Variants in PPIP5K2 observed in about 807,000 individuals in gnomAD.
PPIP5K2 encodes the protein inositol hexakisphosphate and diphosphoinositol-pentakisphosphate kinase 2.
A neutral mutation model predicts 154.6 loss-of-function variants in PPIP5K2; 105 were observed. The observed-to-expected ratio is 0.68, with a 90% CI of 0.58 to 0.80. The LOEUF (loss-of-function observed/expected upper bound fraction) is 0.80, where lower values mean the gene tolerates loss of function less well. Among genes scored for constraint, PPIP5K2 ranks in the 30% least tolerant of loss-of-function variants. PPIP5K2 has a pLI of 0.00. For missense variants in PPIP5K2, 992 were observed against 1,504.6 expected (o/e 0.66, Z 5.64); for synonymous variants, 480 against 490.3 (o/e 0.98, Z 0.28).
chr5:103,151,453 C>G (rs1794636553), intron 9 of PPIP5K2, 79 bp downstream of exon 9: 2 of 1,223,312 alleles, frequency 1.6e-6, no homozygotes, highest in South Asian at 2.9e-5. Flanking sequence ...ATTAAATGAT[C>G]AGGGTTTTTA....
At chr5:103,152,847 G>T in intron 10 of PPIP5K2, 98 bp downstream of exon 10, 1 of 745,400 alleles carries the variant, frequency 1.3e-6, no homozygotes, top group Non-Finnish European at 2.2e-6. Context: ...AGACACTTTA[G>T]TGTGTATGAT....
chr5:103,150,341 T>C (rs1554210850), intron 8 of PPIP5K2, among the ~76,000 whole-genome samples: 3 of 152,218 alleles, frequency 2.0e-5, no homozygotes, highest in Non-Finnish European at 2.9e-5. Context: ...TAATACCTGA[T>C]GATTGAACTT....
chr5:103,189,237 A>G (rs1554226127), intron 28 of PPIP5K2: 1 of 1,507,734 alleles, frequency 6.6e-7, no homozygotes, highest in East Asian at 2.5e-5. Flanking sequence ...GTATGTTTTT[A>G]TAGCTTCTAA....
chr5:103,181,795 A>G (rs1418652265), intron 24 of PPIP5K2, among the ~76,000 whole-genome samples: 1 of 152,122 alleles, frequency 6.6e-6, no homozygotes, highest in African/African-American at 2.4e-5. Context: ...TTATACAAAT[A>G]TATGTGTTTT....
chr5:103,135,523 T>C (rs560442089), intron 3 of PPIP5K2, among the ~76,000 whole-genome samples: 14 of 152,228 alleles, frequency 9.2e-5, no homozygotes, highest in African/African-American at 2.6e-4. Flanking sequence ...CCTCAAACTC[T>C]TGGGCTCAAG....
intron 17 of PPIP5K2, among the ~76,000 whole-genome samples, chr5:103,163,368 T>G (rs1796651493): frequency 6.6e-6 from 1 of 151,938 alleles, no homozygotes; most frequent in Admixed American, 6.6e-5. Flanking sequence ...AAATGGGCCC[T>G]CTTTAAAAGT....
At chr5:103,154,105 T>A (rs1388883611) in intron 11 of PPIP5K2, among the ~76,000 whole-genome samples, 171 bp downstream of exon 11, 1 of 151,966 alleles carries the variant, frequency 6.6e-6, no homozygotes, top group Non-Finnish European at 1.5e-5. Context: ...ATATGTTCAT[T>A]AGCATCTAAA....
chr5:103,144,123 A>G (rs1793328872), intron 5 of PPIP5K2, among the ~76,000 whole-genome samples: 1 of 152,094 alleles, frequency 6.6e-6, no homozygotes. Flanking sequence ...TAGCATTTCT[A>G]TATGCGAACA....
At chr5:103,127,371 C>G (rs1789869512) in intron 1 of PPIP5K2, among the ~76,000 whole-genome samples, 1 of 152,074 alleles carries the variant, frequency 6.6e-6, no homozygotes, top group African/African-American at 2.4e-5. Context: ...GTTTATCACA[C>G]TAAAACAGAA....
chr5:103,134,290 A>T (rs1791111062), intron 3 of PPIP5K2, among the ~76,000 whole-genome samples: 1 of 152,156 alleles, frequency 6.6e-6, no homozygotes. Flanking sequence ...AAATTCCACT[A>T]ATCAAAATTA....
Position 103,167,174 on chromosome 5 carries a change from TG to T in PPIP5K2, c.1921-4del, listed in dbSNP as rs1797263645. On this transcript the variant is annotated splice_region_variant and splice_polypyrimidine_tract_variant and intron_variant, in intron 17 of 30. Transcript: ENST00000358359. Reference sequence around the variant, plus strand: ...ATATAAAATATATACTTTACTCATTTGTAGCTTACTCCATCTGGAAGCATTT... The same window carrying T: ...ATATAAAATATATACTTTACTCATTTTAGCTTACTCCATCTGGAAGCATTT... 1.3e-6 allele frequency: 2 copies of T among 1,543,964 alleles called. No individual in the cohort carries two copies. The highest frequency in any genetic ancestry group is 8.8e-7 in the Non-Finnish European group (1 of 1,142,790).
chr5:103,135,431 AT>A (rs577981901), intron 3 of PPIP5K2, among the ~76,000 whole-genome samples: 167 of 150,576 alleles, frequency 1.1e-3, no homozygotes, highest in Admixed American at 1.1e-3. Context: ...CTTTGTGTCA[AT>A]TTTTTTTTTC....
Position 103,180,055 on chromosome 5 carries a change from A to T in PPIP5K2, c.2789A>T (p.Asp930Val), listed in dbSNP as rs782475057. The change falls in exon 24 of 31, where the codon GAT becomes GTT. Residue 930 changes from aspartate (D) to valine (V), a missense_variant. Asp to Val is a radical substitution (Grantham distance 152, BLOSUM62 -3). Coordinates refer to ENST00000358359, the MANE Select transcript of PPIP5K2 (RefSeq NM_001276277.3). Reference protein sequence around the residue: ...EGRRPFKIDNDDEPHTSKRDE... With the variant: ...EGRRPFKIDNVDEPHTSKRDE... ...AGGAGACCTTTTAAAATTGATAATG[A>T]TGATGAACCACATACTTCTAAAAGA... is the stretch of plus-strand genomic sequence containing the variant. 1 of 1,572,158 alleles carries T rather than the reference A, an allele frequency of 6.4e-7. No homozygotes were observed. The highest frequency in any genetic ancestry group is 2.4e-5 in the East Asian group (1 of 42,280).
At chr5:103,140,791 C>T (rs1251287514) in intron 5 of PPIP5K2, among the ~76,000 whole-genome samples, 2 of 147,096 alleles carry the variant, frequency 1.4e-5, no homozygotes, top group African/African-American at 2.5e-5. Flanking sequence ...GAGCGGAGAT[C>T]GCGCCACAGC....
At chr5:103,186,248 G>T (rs1299710666) in intron 26 of PPIP5K2, 72 bp from the exon 27 acceptor site, 1 of 1,591,236 alleles carries the variant, frequency 6.3e-7, no homozygotes, top group South Asian at 1.1e-5. Flanking sequence ...CATGTTAATT[G>T]CATGCTGCAT....
intron 24 of PPIP5K2, 60 bp downstream of exon 24, chr5:103,180,248 C>G (rs1799307301): frequency 7.3e-7 from 1 of 1,362,394 alleles, no homozygotes; most frequent in Non-Finnish European, 9.7e-7. Context: ...TTTAATAAAA[C>G]AGAAAAGAAA....
Position 103,138,255 on chromosome 5 carries a change from T to C in PPIP5K2, c.402-129T>C, listed in dbSNP as rs555894721. The stretch of plus-strand genomic sequence containing the variant: ...AAGTGACATTTGTTTATTTAAAAAA[T>C]AAAAAGTGTTGAGATATATACCCTT... On this transcript the variant is annotated intron_variant, in intron 4 of 30. Coordinates refer to ENST00000358359, the MANE Select transcript of PPIP5K2 (RefSeq NM_001276277.3). 5.3e-4 allele frequency: 224 copies of C among 421,528 alleles called. 1 individual carries two copies. The highest frequency in any genetic ancestry group is 4.3e-3 in the African/African-American group (211 of 48,784). 26.1% of individuals were successfully genotyped at this position (421,528 alleles called of 1,614,324 possible). A position where few individuals can be genotyped will look rare whatever the true frequency, so the allele number is the denominator to read the frequency against.
At chr5:103,138,321 C>T in intron 4 of PPIP5K2, 63 bp from the exon 5 acceptor site, 1 of 959,042 alleles carries the variant, frequency 1.0e-6, no homozygotes, top group Non-Finnish European at 1.5e-6. Context: ...AAGAAAACTA[C>T]AATAATATAT....
intron 16 of PPIP5K2, 46 bp downstream of exon 16, chr5:103,158,619 A>T: frequency 1.4e-6 from 2 of 1,480,466 alleles, no homozygotes; most frequent in Non-Finnish European, 1.8e-6. Context: ...TTAATCTAAT[A>T]TTGTATCTTA....
Sources: allele counts gnomAD v4.1 joint callset (sites outside exome capture counted in the v4.1 genomes callset), GRCh38; gene constraint gnomAD v4.1.1; transcripts MANE v1.5; gene names NCBI Gene and HGNC (gene_info 2026-07-23, HGNC 2026-07-21).